Variants in GTPBP10 observed in about 807,000 individuals in gnomAD.
The protein encoded by GTPBP10 is GTP binding protein 10.
A neutral mutation model predicts 44.8 loss-of-function variants in GTPBP10; 38 were observed. The ratio of observed to expected loss-of-function variants is 0.85; its 90% confidence interval spans 0.65 to 1.11. The LOEUF (loss-of-function observed/expected upper bound fraction) is 1.11. Among genes scored for constraint, GTPBP10 ranks in the 50% most tolerant of loss-of-function variants. The pLI is 0.00. For missense variants in GTPBP10, 462 were observed against 453.7 expected (o/e 1.02, Z -0.17); for synonymous variants, 152 against 150.6 (o/e 1.01, Z -0.07).
At chr7:90,366,938 C>G (rs929902620) in intron 4 of GTPBP10, among the ~76,000 whole-genome samples, 2 of 152,102 alleles carry the variant, frequency 1.3e-5, no homozygotes, top group African/African-American at 4.8e-5. Flanking sequence ...CTATAAATTT[C>G]CCTCTCCACA....
rs771133400 is a variant in GTPBP10, at chr7:90,383,112, A to G, written c.901+33A>G. On this transcript the variant is annotated intron_variant, in intron 9 of 9. Coordinates refer to ENST00000222511, the MANE Select transcript of GTPBP10 (RefSeq NM_033107.4). ...TATTTATTCATTTAATTCTAATTTA[A>G]AGAATAATTACAATGTACAGAGAAT... 7.6e-6 allele frequency: 11 copies of G among 1,455,932 alleles called. No homozygotes were observed. In the East Asian group the frequency reaches 2.6e-4, roughly 34 times the overall value. 90.2% of individuals were successfully genotyped at this position (1,455,932 alleles called of 1,614,324 possible).
chr7:90,361,201 TGTG>T (rs1796012965), intron 4 of GTPBP10, among the ~76,000 whole-genome samples: 1 of 152,206 alleles, frequency 6.6e-6, no homozygotes, highest in Non-Finnish European at 1.5e-5. Context: ...AGGGCATCCC[TGTG>T]TTGTGCTGGT....
chr7:90,365,620 C>A (rs1051272496), intron 4 of GTPBP10, among the ~76,000 whole-genome samples: 1 of 152,000 alleles, frequency 6.6e-6, no homozygotes, highest in Admixed American at 6.6e-5. Flanking sequence ...TCGTGATCCG[C>A]CCACCTCGGC....
chr7:90,368,286 T>C (rs992799325), intron 4 of GTPBP10, among the ~76,000 whole-genome samples: 1 of 152,190 alleles, frequency 6.6e-6, no homozygotes, highest in East Asian at 1.9e-4. Flanking sequence ...GAGGAGTATC[T>C]TTGTGGTGTT....
intron 4 of GTPBP10, among the ~76,000 whole-genome samples, chr7:90,357,689 G>C (rs914920146): frequency 1.3e-5 from 2 of 152,080 alleles, no homozygotes; most frequent in Non-Finnish European, 2.9e-5. Context: ...TGCCTGATAC[G>C]AAGTCAGTGC....
At chr7:90,354,390 G>A (rs1482858643) in intron 2 of GTPBP10, 68 bp from the exon 3 acceptor site, 1 of 632,092 alleles carries the variant, frequency 1.6e-6, no homozygotes, top group Non-Finnish European at 2.5e-6. Context: ...AAACCATTTT[G>A]TGTGTATGTG....
Position 90,385,480 on chromosome 7 carries a change from C to T in GTPBP10, c.*326C>T, listed in dbSNP as rs1584651018. On this transcript the variant is annotated 3_prime_UTR_variant, in exon 10 of 10. Transcript: ENST00000222511. ...TAACAACAATGTATTTTGAAAGTCACTGAGTAAATTTTAAGTGGTTTTTCC... is the reference window on the plus strand; with the variant it reads ...TAACAACAATGTATTTTGAAAGTCATTGAGTAAATTTTAAGTGGTTTTTCC... 5.6e-6 allele frequency: 1 copy of T among 179,844 alleles called. No homozygotes were observed. The highest frequency in any genetic ancestry group is 1.4e-4 in the East Asian group (1 of 6,960). The allele number at this position is 179,844 out of a possible 1,614,324, so 11.1% of individuals were successfully genotyped here. A position where few individuals can be genotyped will look rare whatever the true frequency, so the allele number is the denominator to read the frequency against.
rs769241395 is a variant in GTPBP10, at chr7:90,354,440, A to G, written c.228-18A>G. ...TACACACACACATACATACATATATATACTTTTTTTTTGGTAGAATTAGTG... is the reference window on the plus strand; with the variant it reads ...TACACACACACATACATACATATATGTACTTTTTTTTTGGTAGAATTAGTG... On this transcript the variant is annotated intron_variant, in intron 2 of 9. Coordinates refer to ENST00000222511, the MANE Select transcript of GTPBP10 (RefSeq NM_033107.4). 5.9e-6 allele frequency: 8 copies of G among 1,349,884 alleles called. No individual in the cohort carries two copies. Among genetic ancestry groups the G allele is most frequent in the Non-Finnish European group, 7.3e-6 (7 of 964,496 alleles). The allele number at this position is 1,349,884 out of a possible 1,614,324, so 83.6% of individuals were successfully genotyped here.
chr7:90,355,513 A>G (rs1795879036), intron 4 of GTPBP10, among the ~76,000 whole-genome samples: 1 of 152,220 alleles, frequency 6.6e-6, no homozygotes, highest in African/African-American at 2.4e-5. Flanking sequence ...ATGCAATATT[A>G]CAAGATGGTT....
rs763349796 is a variant in GTPBP10 at position 90,346,730 on chromosome 7, C to T, written c.-12C>T. The T allele has an allele frequency of 5.0e-6, 8 of 1,614,248 alleles. No homozygotes were observed. Among genetic ancestry groups the T allele is most frequent in the Admixed American group, 1.7e-5 (1 of 60,034 alleles). ...CCGCTTCCGCAAGAAGGTTTCCTGG[C>T]CTGTTGCAGCCATGGTGCATTGCAG... On this transcript the variant is annotated 5_prime_UTR_variant, in exon 1 of 10. Transcript: ENST00000222511.
chr7:90,367,730 A>C (rs2115701256), intron 4 of GTPBP10, among the ~76,000 whole-genome samples: 1 of 152,222 alleles, frequency 6.6e-6, no homozygotes, highest in East Asian at 1.9e-4. Flanking sequence ...TTGACTCTTT[A>C]TCCAGTTTGG....
rs187049136 is a variant in GTPBP10, at chr7:90,370,490, C to T, written c.465-1665C>T. Among the ~76,000 whole-genome samples, 3 of 152,190 alleles carry T rather than the reference C, an allele frequency of 2.0e-5. No individual in the cohort carries two copies. In the East Asian group the frequency reaches 5.8e-4, roughly 30 times the overall value. Reference sequence around the variant, plus strand: ...TTGTCACTTATAAGTGGGAGCTAAGCTGTGCGTACACAGAGGCATGCAGAG... The same window carrying T: ...TTGTCACTTATAAGTGGGAGCTAAGTTGTGCGTACACAGAGGCATGCAGAG... On this transcript the variant is annotated intron_variant, in intron 4 of 9. Coordinates refer to ENST00000222511, the MANE Select transcript of GTPBP10 (RefSeq NM_033107.4).
intron 4 of GTPBP10, among the ~76,000 whole-genome samples, chr7:90,360,385 A>G (rs1446607687): frequency 1.3e-5 from 2 of 152,168 alleles, no homozygotes; most frequent in Non-Finnish European, 2.9e-5. Context: ...AGCACCATTT[A>G]TTATATAGAG....
rs1796609947 is a variant in GTPBP10, at chr7:90,391,219, G to C, written c.*6065G>C. ...CCCCATGATTTCCTCATGTTGCTTAGAATAGTGTGTATTTCAGAACTTTTC... is the reference window on the plus strand; with the variant it reads ...CCCCATGATTTCCTCATGTTGCTTACAATAGTGTGTATTTCAGAACTTTTC... On this transcript the variant is annotated 3_prime_UTR_variant, in exon 10 of 10. Coordinates refer to ENST00000222511, the MANE Select transcript of GTPBP10 (RefSeq NM_033107.4). The C allele has an allele frequency of 6.6e-6, 1 of 152,122 alleles. No individual in the cohort carries two copies. The highest frequency in any genetic ancestry group is 6.5e-5 in the Admixed American group (1 of 15,270). The allele number at this position is 152,122 out of a possible 1,614,324, so 9.4% of individuals were successfully genotyped here.
intron 4 of GTPBP10, among the ~76,000 whole-genome samples, chr7:90,357,776 A>G (rs1166823319): frequency 6.6e-6 from 1 of 152,142 alleles, no homozygotes; most frequent in South Asian, 2.1e-4. Flanking sequence ...AGTAACCCCC[A>G]TTCCTAGTAC....
chr7:90,376,690 C>T (rs1266215175), intron 6 of GTPBP10, among the ~76,000 whole-genome samples: 1 of 152,162 alleles, frequency 6.6e-6, no homozygotes, highest in Non-Finnish European at 1.5e-5. Context: ...ACCACAGTTA[C>T]TTTTATACCA....
chr7:90,373,947 C>T (rs183396819), intron 5 of GTPBP10, among the ~76,000 whole-genome samples: 1 of 152,114 alleles, frequency 6.6e-6, no homozygotes, highest in East Asian at 1.9e-4. Context: ...CTCAAGCAAT[C>T]CTCCCACCTC....
intron 5 of GTPBP10, among the ~76,000 whole-genome samples, chr7:90,373,455 C>T (rs1049911959): frequency 2.6e-5 from 4 of 152,108 alleles, no homozygotes. Context: ...CACAGAATGC[C>T]ATTAACTTGG....
chr7:90,347,133 G>T (rs1217925357), intron 1 of GTPBP10, among the ~76,000 whole-genome samples: 1 of 152,096 alleles, frequency 6.6e-6, no homozygotes, highest in Non-Finnish European at 1.5e-5. Flanking sequence ...TGAGTGCGCT[G>T]TTTAAGGTTT....
Sources: allele counts gnomAD v4.1 joint callset (sites outside exome capture counted in the v4.1 genomes callset), GRCh38; gene constraint gnomAD v4.1.1; transcripts MANE v1.5; gene names NCBI Gene and HGNC (gene_info 2026-07-23, HGNC 2026-07-21).